Variants in CDH13 observed in about 807,000 individuals in gnomAD.
The protein encoded by CDH13 is cadherin-13.
Under a neutral mutation model 63.8 loss-of-function variants are expected in CDH13, and 24 were observed. That is an observed-to-expected ratio of 0.38 (90% CI 0.27 to 0.53). The LOEUF is 0.53. Among genes scored for constraint, CDH13 ranks in the 20% least tolerant of loss-of-function variants. The pLI is 0.85. For missense variants in CDH13, 1,049 were observed against 903.1 expected, an observed-to-expected ratio of 1.16 and a Z score of -2.07; for synonymous variants, 503 against 355.3, an observed-to-expected ratio of 1.42 and a Z score of -4.67.
intron 10 of CDH13, among the ~76,000 whole-genome samples, chr16:83,714,243 A>G (rs1459804921): frequency 6.6e-6 from 1 of 152,256 alleles, no homozygotes; most frequent in Non-Finnish European, 1.5e-5. Flanking sequence ...AGAGAGGATC[A>G]CGTTGCTTTA....
Position 83,797,805 on chromosome 16 carries a change from A to G in CDH13, c.*2775A>G, listed in dbSNP as rs1436369132. 3 of 152,228 alleles carry G rather than the reference A, an allele frequency of 2.0e-5. No homozygotes were observed. The highest frequency in any genetic ancestry group is 4.4e-5 in the Non-Finnish European group (3 of 68,046). 9.4% of individuals were successfully genotyped at this position (152,228 alleles called of 1,614,324 possible). Reference sequence around the variant, plus strand: ...AATAGTCACACCTTCACTTCTTTTTATTAATACTCAACCAACTTAGTTGAT... The same window carrying G: ...AATAGTCACACCTTCACTTCTTTTTGTTAATACTCAACCAACTTAGTTGAT... On this transcript the variant is annotated 3_prime_UTR_variant, in exon 14 of 14. Transcript: ENST00000567109.
chr16:82,782,772 C>T (rs531482125), intron 1 of CDH13, among the ~76,000 whole-genome samples: 1 of 152,168 alleles, frequency 6.6e-6, no homozygotes, highest in African/African-American at 2.4e-5. Context: ...GTCTGCCTTA[C>T]TCCCGCTGCT....
intron 6 of CDH13, among the ~76,000 whole-genome samples, chr16:83,415,072 A>C (rs1481039571): frequency 6.6e-6 from 1 of 152,126 alleles, no homozygotes; most frequent in African/African-American, 2.4e-5. Flanking sequence ...ATTAGAAATG[A>C]AAGAGGGAAC....
intron 1 of CDH13, among the ~76,000 whole-genome samples, chr16:82,806,656 T>TTTG (rs200360794): frequency 3.4e-4 from 52 of 152,156 alleles, no homozygotes; most frequent in African/African-American, 9.2e-4. Context: ...TGGTGGGATT[T>TTTG]TTGTTGTTGT....
At chr16:82,631,365 C>T (rs1907988632) in intron 1 of CDH13, among the ~76,000 whole-genome samples, 1 of 152,226 alleles carries the variant, frequency 6.6e-6, no homozygotes, top group South Asian at 2.1e-4. Context: ...TTCCCCCTTA[C>T]ATAACCACCC....
rs555154819 is a variant in CDH13 at position 82,643,366 on chromosome 16, C to T, written c.45+16229C>T. The stretch of plus-strand genomic sequence containing the variant: ...ACTCTACTTGCTTTACTTATATTAA[C>T]ACTGCGACTCCTCAAAAGATCCCCA... On this transcript the variant is annotated intron_variant, in intron 1 of 13. Coordinates refer to ENST00000567109, the MANE Select transcript of CDH13 (RefSeq NM_001257.5). 2.0e-5 allele frequency among the ~76,000 whole-genome samples: 3 copies of T among 152,278 alleles called. No individual in the cohort carries two copies. In the South Asian group the frequency reaches 6.2e-4, roughly 32 times the overall value.
chr16:83,461,167 A>G (rs976330478), intron 6 of CDH13, among the ~76,000 whole-genome samples: 13 of 152,128 alleles, frequency 8.5e-5, no homozygotes, highest in Admixed American at 7.9e-4. Context: ...ACTATTTATT[A>G]TACCTTGCTA....
intron 2 of CDH13, among the ~76,000 whole-genome samples, chr16:83,010,855 C>G (rs1271930055): frequency 6.6e-6 from 1 of 152,182 alleles, no homozygotes; most frequent in Non-Finnish European, 1.5e-5. Context: ...TTGTAGCAAA[C>G]AGCTCTTTGG....
chr16:83,635,633 C>T (rs778501291), intron 8 of CDH13, among the ~76,000 whole-genome samples: 3 of 152,094 alleles, frequency 2.0e-5, no homozygotes, highest in South Asian at 2.1e-4. Context: ...TGAGCCACCA[C>T]GCCCGGCCCC....
chr16:83,146,676 G>C (rs2036764649), intron 4 of CDH13, among the ~76,000 whole-genome samples: 1 of 152,352 alleles, frequency 6.6e-6, no homozygotes. Flanking sequence ...AGCTGGAGAA[G>C]TAAGATTTAG....
intron 2 of CDH13, among the ~76,000 whole-genome samples, chr16:82,949,902 T>C (rs1905115560): frequency 6.6e-6 from 1 of 152,096 alleles, no homozygotes; most frequent in Non-Finnish European, 1.5e-5. Context: ...GGTGCTTCAT[T>C]TGAAATCAGA....
chr16:83,393,647 A>C (rs1015823020), intron 6 of CDH13, among the ~76,000 whole-genome samples: 1 of 152,216 alleles, frequency 6.6e-6, no homozygotes, highest in Non-Finnish European at 1.5e-5. Context: ...AATCGAATCA[A>C]TCATTCATTC....
chr16:83,366,076 C>A (rs7199074), intron 6 of CDH13, among the ~76,000 whole-genome samples: 40,351 of 152,058 alleles, frequency 0.27, 5,420 homozygotes, highest in Middle Eastern at 0.37. Flanking sequence ...CAATAGAAAA[C>A]TAATACAGAA....
chr16:83,378,241 A>G (rs943446362), intron 6 of CDH13, among the ~76,000 whole-genome samples: 1 of 152,184 alleles, frequency 6.6e-6, no homozygotes, highest in African/African-American at 2.4e-5. Flanking sequence ...TGACAAAACA[A>G]CAACTGAGAA....
intron 2 of CDH13, among the ~76,000 whole-genome samples, chr16:82,930,110 T>C (rs2042441154): frequency 7.2e-6 from 1 of 138,212 alleles, no homozygotes. Context: ...ATTGGTGCAA[T>C]CTCAGCTCAC....
intron 2 of CDH13, among the ~76,000 whole-genome samples, chr16:82,922,722 G>C (rs1005124321): frequency 6.6e-6 from 1 of 152,102 alleles, no homozygotes; most frequent in African/African-American, 2.4e-5. Flanking sequence ...CTAGACCTAA[G>C]GGAGGCTAGA....
At chr16:83,518,603 G>C (rs2151615583) in intron 7 of CDH13, among the ~76,000 whole-genome samples, 1 of 151,550 alleles carries the variant, frequency 6.6e-6, no homozygotes, top group Middle Eastern at 3.4e-3. Context: ...CTTCCGAGTA[G>C]CTGGGACTAC....
rs528177078 is a variant in CDH13 at position 83,496,675 on chromosome 16, C to T, written c.960+10020C>T. Among the ~76,000 whole-genome samples the T allele has an allele frequency of 8.4e-3, 1,283 of 152,214 alleles. 8 individuals carry two copies. The highest frequency in any genetic ancestry group is 0.014 in the Non-Finnish European group (977 of 68,010). On this transcript the variant is annotated intron_variant, in intron 7 of 13. Transcript: ENST00000567109. ...AATTGACAAATGGGATCTAATTAAA[C>T]GAAAGAGCTTCTGCACAGCAAAAGA...
At chr16:83,790,609 T>C (rs1391513691) in intron 13 of CDH13, among the ~76,000 whole-genome samples, 2 of 152,068 alleles carry the variant, frequency 1.3e-5, no homozygotes, top group East Asian at 3.9e-4. Flanking sequence ...TTCACCGTGT[T>C]AGCCTGGATG....
Sources: gnomAD v4.1 joint callset for allele counts (sites outside exome capture counted in the v4.1 genomes callset) on GRCh38, gnomAD v4.1.1 for gene constraint, MANE v1.5 for transcripts, NCBI Gene and HGNC (gene_info 2026-07-23, HGNC 2026-07-21) for gene names.